The following GLT8D2 variants were observed in gnomAD, a reference collection of about 807,000 sequenced individuals.
The protein encoded by GLT8D2 is glycosyltransferase 8 domain containing 2.
GLT8D2 carries 45 observed loss-of-function variants against 44.5 expected under a neutral mutation model. That is an observed-to-expected ratio of 1.01 (90% confidence interval 0.80 to 1.30). The LOEUF (loss-of-function observed/expected upper bound fraction) is 1.30. GLT8D2 is among the 50% of genes most tolerant of loss of function. The pLI, the probability that GLT8D2 is intolerant of heterozygous loss-of-function variation, is 0.00. For missense variants in GLT8D2, 400 were observed against 430.4 expected (o/e 0.93, Z 0.62); for synonymous variants, 156 against 157.2 (o/e 0.99, Z 0.06).
intron 4 of GLT8D2, 63 bp from the exon 5 acceptor site, chr12:104,003,369 G>T: frequency 7.1e-7 from 1 of 1,402,296 alleles, no homozygotes; most frequent in Non-Finnish European, 1.0e-6. Flanking sequence ...CCAGTTTAAT[G>T]CATCTTCCAT....
At chr12:104,054,809 A>G (rs1882036536), upstream of GLT8D2, among the ~76,000 whole-genome samples, 1 of 152,090 alleles carries the variant, frequency 6.6e-6, no homozygotes. Flanking sequence ...CGTGTGAAGT[A>G]GCCACCTTGC....
chr12:104,028,825 C>T (rs964502639), intron 1 of GLT8D2, among the ~76,000 whole-genome samples: 1 of 152,044 alleles, frequency 6.6e-6, no homozygotes, highest in African/African-American at 2.4e-5. Flanking sequence ...TATGTTCCTG[C>T]CAGTGATATT....
intron 1 of GLT8D2, among the ~76,000 whole-genome samples, chr12:104,038,512 G>C (rs1304828442): frequency 6.6e-6 from 1 of 152,034 alleles, no homozygotes; most frequent in East Asian, 1.9e-4. Context: ...CAGACAAACA[G>C]AGAGCCAAAT....
chr12:104,043,808 G>C (rs1337880320), intron 1 of GLT8D2, among the ~76,000 whole-genome samples: 2 of 152,112 alleles, frequency 1.3e-5, no homozygotes, highest in Non-Finnish European at 2.9e-5. Flanking sequence ...AAATCAGCTT[G>C]GTGTTTCCTT....
chr12:104,007,147 C>T (rs1256370767), intron 4 of GLT8D2, among the ~76,000 whole-genome samples: 1 of 151,770 alleles, frequency 6.6e-6, no homozygotes, highest in Non-Finnish European at 1.5e-5. Flanking sequence ...TACCGCAATA[C>T]AACTTTCAGC....
At chr12:104,004,830 C>T (rs1445235259) in intron 4 of GLT8D2, among the ~76,000 whole-genome samples, 3 of 152,208 alleles carry the variant, frequency 2.0e-5, no homozygotes, top group Admixed American at 6.5e-5. Context: ...AGATTCAATG[C>T]CATCCCCATC....
chr12:104,028,542 G>C (rs1271740025), intron 1 of GLT8D2, among the ~76,000 whole-genome samples: 1 of 152,022 alleles, frequency 6.6e-6, no homozygotes, highest in African/African-American at 2.4e-5. Context: ...AGACCACCTG[G>C]GTTCAAATCC....
chr12:104,049,377 T>A (rs1566214735), intron 1 of GLT8D2: 1 of 152,182 alleles, frequency 6.6e-6, no homozygotes, highest in Non-Finnish European at 1.5e-5. Flanking sequence ...TTAAAAAGCA[T>A]TTTCAACCCA....
intron 6 of GLT8D2, among the ~76,000 whole-genome samples, chr12:103,997,776 G>A (rs1408441311): frequency 6.6e-6 from 1 of 152,106 alleles, no homozygotes; most frequent in Non-Finnish European, 1.5e-5. Context: ...CCCTAGTGCC[G>A]AGGCTGTTGC....
At chr12:103,993,350 G>T (rs1443386245) in intron 10 of GLT8D2, 42 bp downstream of exon 10, 1 of 1,425,178 alleles carries the variant, frequency 7.0e-7, no homozygotes, top group Non-Finnish European at 9.9e-7. Context: ...AAAATAAAAT[G>T]GACATTTGCG....
At chr12:104,061,186 AG>A (rs1320579185) in intron 1 of GLT8D2, among the ~76,000 whole-genome samples, 5 of 152,228 alleles carry the variant, frequency 3.3e-5, no homozygotes, top group African/African-American at 1.2e-4. Context: ...CAGCAGCCCT[AG>A]GAAACTAGTA....
intron 3 of GLT8D2, among the ~76,000 whole-genome samples, 167 bp downstream of exon 3, chr12:104,019,463 C>G (rs910667080): frequency 6.6e-6 from 1 of 152,228 alleles, no homozygotes; most frequent in East Asian, 1.9e-4. Context: ...CTGAACAACT[C>G]TCCATGGGAA....
chr12:104,044,704 A>G (rs1880900563), intron 1 of GLT8D2, among the ~76,000 whole-genome samples: 2 of 152,188 alleles, frequency 1.3e-5, no homozygotes, highest in Non-Finnish European at 2.9e-5. Flanking sequence ...TCCTCAATCC[A>G]TCACTGGCCT....
intron 1 of GLT8D2, among the ~76,000 whole-genome samples, chr12:104,057,855 T>C (rs147551151): frequency 1.6e-4 from 24 of 152,292 alleles, no homozygotes; most frequent in Non-Finnish European, 2.6e-4. Flanking sequence ...CACTGCCCCA[T>C]TTTCAGCACT....
chr12:104,024,721 T>C (rs1878333350), intron 1 of GLT8D2, among the ~76,000 whole-genome samples: 1 of 152,204 alleles, frequency 6.6e-6, no homozygotes, highest in African/African-American at 2.4e-5. Flanking sequence ...TGCATTTTTA[T>C]AGAATTATTT....
intron 4 of GLT8D2, among the ~76,000 whole-genome samples, chr12:104,005,099 T>C (rs1409577250): frequency 6.6e-6 from 1 of 152,186 alleles, no homozygotes; most frequent in African/African-American, 2.4e-5. Flanking sequence ...CCATCTGATC[T>C]TTGACAAACC....
At chr12:104,044,810 C>T (rs189026044) in intron 1 of GLT8D2, among the ~76,000 whole-genome samples, 2 of 152,298 alleles carry the variant, frequency 1.3e-5, no homozygotes, top group Admixed American at 6.5e-5. Flanking sequence ...TGTTTGATTT[C>T]CTTTTTCTTT....
At chr12:104,046,638 A>G (rs912269019) in intron 1 of GLT8D2, among the ~76,000 whole-genome samples, 1 of 152,256 alleles carries the variant, frequency 6.6e-6, no homozygotes, top group African/African-American at 2.4e-5. Context: ...TTAACAGAGC[A>G]CTTCATTTTA....
intron 1 of GLT8D2, among the ~76,000 whole-genome samples, chr12:104,059,559 C>T (rs1203749446): frequency 6.6e-6 from 1 of 152,154 alleles, no homozygotes; most frequent in East Asian, 1.9e-4. Context: ...TATTTAGCCA[C>T]AGGCCACAAC....
Sources: allele counts gnomAD v4.1 joint callset (sites outside exome capture counted in the v4.1 genomes callset), GRCh38; gene constraint gnomAD v4.1.1; transcripts MANE v1.5; gene names NCBI Gene and HGNC (gene_info 2026-07-23, HGNC 2026-07-21).